AFDN: variants seen among roughly 807,000 people sequenced by gnomAD.
The protein encoded by AFDN is afadin.
In AFDN, 68 loss-of-function variants were observed where a neutral mutation model predicts 216.6. That is an observed-to-expected ratio of 0.31 (90% CI 0.26 to 0.38). AFDN has a LOEUF of 0.38. AFDN is among the 10% of genes least tolerant of loss of function. The pLI, the probability that AFDN is intolerant of heterozygous loss-of-function variation, is 1.00. For synonymous variants in AFDN, 868 were observed against 853.7 expected, an observed-to-expected ratio of 1.02 and a Z score of -0.29; for missense variants, 2,136 against 2,342.0, an observed-to-expected ratio of 0.91 and a Z score of 1.82.
At chr6:167,966,174 C>T in intron 32 of AFDN, 129 bp downstream of exon 32, 1 of 1,534,646 alleles carries the variant, frequency 6.5e-7, no homozygotes, top group Admixed American at 2.0e-5. Context: ...CTCATTCCAG[C>T]CACCCTCAGC....
chr6:167,836,003 T>C (rs1196397155), intron 1 of AFDN, among the ~76,000 whole-genome samples: 4 of 152,248 alleles, frequency 2.6e-5, no homozygotes, highest in Non-Finnish European at 5.9e-5. Context: ...GAAGTATACA[T>C]TTCAACATTT....
chr6:167,956,694 C>T (rs144873245), intron 30 of AFDN, among the ~76,000 whole-genome samples: 38 of 152,306 alleles, frequency 2.5e-4, no homozygotes, highest in Admixed American at 1.5e-3. Flanking sequence ...TTCAGCCTTC[C>T]CCATTTCAGC....
chr6:167,850,835 A>G (rs1422998807), intron 1 of AFDN, among the ~76,000 whole-genome samples: 1 of 152,160 alleles, frequency 6.6e-6, no homozygotes, highest in African/African-American at 2.4e-5. Flanking sequence ...ATCACTGGAA[A>G]TGATTTCAAC....
At chr6:167,839,755 T>C (rs1471848245) in intron 1 of AFDN, among the ~76,000 whole-genome samples, 1 of 152,204 alleles carries the variant, frequency 6.6e-6, no homozygotes, top group African/African-American at 2.4e-5. Flanking sequence ...ATGGTCTTTT[T>C]CTCAAAAAGC....
chr6:167,906,664 AT>A (rs1789728796), intron 12 of AFDN, among the ~76,000 whole-genome samples: 1 of 152,148 alleles, frequency 6.6e-6, no homozygotes. Context: ...ACCATATAAT[AT>A]GTGTTTTCCC....
intron 1 of AFDN, among the ~76,000 whole-genome samples, chr6:167,846,321 G>A (rs1259633539): frequency 2.0e-5 from 3 of 151,986 alleles, no homozygotes; most frequent in Non-Finnish European, 4.4e-5. Context: ...ATGTTGACTA[G>A]TTTAGATGTT....
chr6:167,827,072 G>C lies in AFDN; in HGVS notation c.-61G>C. On this transcript the variant is annotated 5_prime_UTR_variant, in exon 1 of 34. Transcript: ENST00000683244. ...AGGGGCGCCGGGCCCCCGCGGACCT[G>C]TCGTCCTCGGCCCGTCCTCCGGCCC... 2 of 913,286 alleles carry C rather than the reference G, an allele frequency of 2.2e-6. No individual in the cohort carries two copies. The highest frequency in any genetic ancestry group is 5.7e-5 in the South Asian group (2 of 35,216). The allele number at this position is 913,286 out of a possible 1,614,324, so 56.6% of individuals were successfully genotyped here.
intron 4 of AFDN, among the ~76,000 whole-genome samples, chr6:167,874,483 A>G (rs1785123813): frequency 6.6e-6 from 1 of 152,160 alleles, no homozygotes; most frequent in African/African-American, 2.4e-5. Context: ...ACTTCTTCAC[A>G]GAAACTGTTG....
At chr6:167,836,814 ATAT>A (rs1342942172) in intron 1 of AFDN, among the ~76,000 whole-genome samples, 1 of 152,242 alleles carries the variant, frequency 6.6e-6, no homozygotes, top group African/African-American at 2.4e-5. Flanking sequence ...TATCAGAACA[ATAT>A]AATACAGATA....
chr6:167,914,051 C>A, intron 16 of AFDN, 117 bp from the exon 17 acceptor site: 3 of 1,101,782 alleles, frequency 2.7e-6, no homozygotes, highest in South Asian at 1.7e-5. Flanking sequence ...GTGGTAAATA[C>A]CTTGGTGAAA....
At chr6:167,948,512 C>T (rs1321416562) in intron 29 of AFDN, 34 bp downstream of exon 29, 34 of 1,588,166 alleles carry the variant, frequency 2.1e-5, no homozygotes, top group Non-Finnish European at 2.9e-5. Flanking sequence ...ACTTTTCTCA[C>T]CTCTCAAGGA....
rs1237652418 is a variant in AFDN, at chr6:167,864,682, T to G, written c.237T>G (p.Phe79Leu). The change falls in exon 2 of 34, where the codon TTT becomes TTG. Residue 79 changes from phenylalanine to leucine, a missense_variant. Coordinates refer to ENST00000683244, the MANE Select transcript of AFDN (RefSeq NM_001386888.1). ...TAATCGAAACGCTCGCGGAGAAATT[T>G]CGACCTGATATGCGAATGCTGTCCT... ...QDVIETLAEK[F>L]RPDMRMLSSP... 1.2e-6 allele frequency: 2 copies of G among 1,614,094 alleles called. No individual in the cohort carries two copies. The highest frequency in any genetic ancestry group is 1.7e-6 in the Non-Finnish European group (2 of 1,180,036).
chr6:167,872,366 A>G lies in AFDN; in HGVS notation c.567A>G (p.Gln189=). 2 of 1,609,314 alleles carry G rather than the reference A, an allele frequency of 1.2e-6. No homozygotes were observed. Among genetic ancestry groups the G allele is most frequent in the East Asian group, 2.2e-5 (1 of 44,838 alleles). ...CTGATAAAGATGATAGACCTTTCCA[A>G]GGGGAGGATGTGTAAGTCAGTTTTG... ...QASDKDDRPF[Q]GEDVENSRLA... The change falls in exon 4 of 34, where the codon CAA becomes CAG. Residue 189 remains glutamine (Q), a synonymous_variant. Transcript: ENST00000683244.
intron 30 of AFDN, chr6:167,952,546 A>G (rs942488313): frequency 8.2e-6 from 8 of 979,264 alleles, no homozygotes; most frequent in African/African-American, 1.8e-5. Context: ...TTTTTCTTCC[A>G]GGGCCAGATT....
In AFDN at chr6:167,877,340, C is replaced by T. The variant is rs1349650477; in HGVS notation, c.739+1845C>T. ...ATTTTAGGCTACTGTTCCAGTGGCA[C>T]ATGGCGATTAGGGTTTGGGAGTGAT... On this transcript the variant is annotated intron_variant, in intron 5 of 33. Transcript: ENST00000683244. Among the ~76,000 whole-genome samples, 4 of 152,120 alleles carry T rather than the reference C, an allele frequency of 2.6e-5. No individual in the cohort carries two copies. The East Asian group carries it at 7.7e-4, about 29-fold the overall frequency.
chr6:167,927,341 CT>C (rs942123488), intron 23 of AFDN, among the ~76,000 whole-genome samples: 3 of 152,030 alleles, frequency 2.0e-5, no homozygotes, highest in African/African-American at 7.2e-5. Context: ...GTGTGGGCCA[CT>C]TTTGGATAAG....
intron 15 of AFDN, 81 bp downstream of exon 15, chr6:167,911,570 C>A: frequency 1.6e-6 from 2 of 1,262,768 alleles, no homozygotes; most frequent in Non-Finnish European, 2.3e-6. Context: ...TTCTTTAAGG[C>A]TTCTCATTTG....
chr6:167,921,915 C>T (rs1366707602), intron 21 of AFDN, among the ~76,000 whole-genome samples: 1 of 152,128 alleles, frequency 6.6e-6, no homozygotes, highest in Admixed American at 6.5e-5. Flanking sequence ...CCACAAATAA[C>T]GGTCAGAATT....
intron 20 of AFDN, among the ~76,000 whole-genome samples, chr6:167,917,822 C>T (rs1212278693): frequency 6.6e-6 from 1 of 152,162 alleles, no homozygotes; most frequent in African/African-American, 2.4e-5. Context: ...ATCACCAAAT[C>T]AAAAGCACAG....
Sources: allele counts gnomAD v4.1 joint callset (sites outside exome capture counted in the v4.1 genomes callset), GRCh38; gene constraint gnomAD v4.1.1; transcripts MANE v1.5; gene names NCBI Gene and HGNC (gene_info 2026-07-23, HGNC 2026-07-21).